Variants in LYPLA1 observed in about 807,000 individuals in gnomAD.
The protein encoded by LYPLA1 is acyl-protein thioesterase 1.
Under a neutral mutation model 34.0 loss-of-function variants are expected in LYPLA1, and 17 were observed. The observed-to-expected ratio is 0.50, with a 90% confidence interval of 0.34 to 0.75. The LOEUF (loss-of-function observed/expected upper bound fraction) is 0.75. Ranked by LOEUF, LYPLA1 falls within the 30% of genes least tolerant of loss-of-function variation. The pLI is 0.01. For synonymous variants in LYPLA1, 98 were observed against 100.8 expected (o/e 0.97, Z 0.17); for missense variants, 203 against 288.8 (o/e 0.70, Z 2.15).
At chr8:54,075,903 G>T (rs1414588449) in intron 2 of LYPLA1, among the ~76,000 whole-genome samples, 1 of 152,168 alleles carries the variant, frequency 6.6e-6, no homozygotes, top group African/African-American at 2.4e-5. Context: ...GCGGCACAAT[G>T]ATTCCTATGG....
At position 54,089,961 on chromosome 8, in the gene LYPLA1, T is replaced by C. The variant is rs982128838; in HGVS notation, c.101+10947A>G. 3.3e-5 allele frequency among the ~76,000 whole-genome samples: 5 copies of C among 152,196 alleles called. No homozygotes were observed. The East Asian group carries it at 7.7e-4, about 23-fold the overall frequency. The stretch of plus-strand genomic sequence containing the variant: ...TGTAAATACAAAATTGCATGCAGGA[T>C]TGTGTAAAGACAATGCCAGGTTGGA... On this transcript the variant is annotated intron_variant, in intron 2 of 8. Transcript: ENST00000316963.
At chr8:54,074,913 T>G (rs1295515948) in intron 2 of LYPLA1, among the ~76,000 whole-genome samples, 2 of 152,250 alleles carry the variant, frequency 1.3e-5, no homozygotes, top group African/African-American at 4.8e-5. Context: ...TGCAGTGTTT[T>G]GCGGTGATGG....
At chr8:54,087,621 G>A (rs1808902836) in intron 2 of LYPLA1, among the ~76,000 whole-genome samples, 1 of 152,258 alleles carries the variant, frequency 6.6e-6, no homozygotes, top group African/African-American at 2.4e-5. Flanking sequence ...TAATGTATCT[G>A]ATAGGAGTCT....
chr8:54,094,925 C>A (rs1809569590), intron 2 of LYPLA1, among the ~76,000 whole-genome samples: 1 of 152,078 alleles, frequency 6.6e-6, no homozygotes, highest in African/African-American at 2.4e-5. Flanking sequence ...AGAGTCTGTA[C>A]TGATTTAAAA....
At chr8:54,083,407 A>T (rs1006036138) in intron 2 of LYPLA1, among the ~76,000 whole-genome samples, 1 of 152,252 alleles carries the variant, frequency 6.6e-6, no homozygotes, top group Non-Finnish European at 1.5e-5. Flanking sequence ...ATGAATATAC[A>T]AACAGTTCCC....
At chr8:54,084,133 A>AAAAAAAAATATATAT (rs1373090573) in intron 2 of LYPLA1, among the ~76,000 whole-genome samples, 1 of 120,484 alleles carries the variant, frequency 8.3e-6, no homozygotes, top group African/African-American at 4.6e-5. Context: ...AGAAAAAAAA[A>AAAAAAAAATATATAT]ATAAATAAAT....
chr8:54,058,414 C>T (rs1030662739), intron 5 of LYPLA1, among the ~76,000 whole-genome samples: 1 of 152,082 alleles, frequency 6.6e-6, no homozygotes, highest in Non-Finnish European at 1.5e-5. Flanking sequence ...CATGGTGGCA[C>T]AGGCCTGTAG....
chr8:54,084,925 G>C (rs1403606955), intron 2 of LYPLA1, among the ~76,000 whole-genome samples: 1 of 152,058 alleles, frequency 6.6e-6, no homozygotes, highest in Non-Finnish European at 1.5e-5. Flanking sequence ...GTACCACATG[G>C]CTTCAAGGTG....
chr8:54,065,741 T>C lies in LYPLA1; in HGVS notation c.167+7A>G. ...GAATCACAAGCCTGAAGATCAGAAATACTCACGCATGCGGGCAGATATATT... is the reference window on the plus strand; with the variant it reads ...GAATCACAAGCCTGAAGATCAGAAACACTCACGCATGCGGGCAGATATATT... On this transcript the variant is annotated splice_region_variant and intron_variant, in intron 3 of 8. Coordinates refer to ENST00000316963, the MANE Select transcript of LYPLA1 (RefSeq NM_006330.4). The C allele has an allele frequency of 6.2e-7, 1 of 1,605,322 alleles. No individual in the cohort carries two copies. Among genetic ancestry groups the C allele is most frequent in the Non-Finnish European group, 8.5e-7 (1 of 1,172,194 alleles).
chr8:54,089,157 ATAAAC>A (rs1210218629), intron 2 of LYPLA1, among the ~76,000 whole-genome samples: 4 of 152,198 alleles, frequency 2.6e-5, no homozygotes, highest in African/African-American at 9.6e-5. Context: ...AACTCTGTAA[ATAAAC>A]TAACTACTGA....
chr8:54,099,125 G>C (rs552927651), intron 2 of LYPLA1, among the ~76,000 whole-genome samples: 1 of 145,800 alleles, frequency 6.9e-6, no homozygotes, highest in Non-Finnish European at 1.5e-5. Flanking sequence ...CTAGACTGAA[G>C]TTTTTTTTTT....
At chr8:54,063,259 C>G in intron 4 of LYPLA1, 69 bp downstream of exon 4, 1 of 1,030,874 alleles carries the variant, frequency 9.7e-7, no homozygotes. Context: ...CTGCTGTACA[C>G]AAAAGCATTT....
At chr8:54,080,056 G>C (rs1808198983) in intron 2 of LYPLA1, among the ~76,000 whole-genome samples, 1 of 151,906 alleles carries the variant, frequency 6.6e-6, no homozygotes, top group South Asian at 2.1e-4. Context: ...TATAGTTTTG[G>C]GACTACACAG....
rs1563642446 is a variant in LYPLA1 at position 54,084,136 on chromosome 8, A to AT, written c.101+16771_101+16772insA. Among the ~76,000 whole-genome samples the AT allele has an allele frequency of 3.6e-3, 454 of 126,358 alleles. 8 individuals are homozygous for AT. Among genetic ancestry groups the AT allele is most frequent in the African/African-American group, 0.015 (409 of 27,140 alleles). 82.9% of individuals were successfully genotyped at this position (126,358 alleles called of 152,430 possible). A position where few individuals can be genotyped will look rare whatever the true frequency, so the allele number is the denominator to read the frequency against. ...CTGGGAGACCAAAGAAAAAAAAAAT[A>AT]AATAAATATATATATATATATATAT... On this transcript the variant is annotated intron_variant, in intron 2 of 8. Coordinates refer to ENST00000316963, the MANE Select transcript of LYPLA1 (RefSeq NM_006330.4).
chr8:54,051,583 G>T (rs911761302), intron 7 of LYPLA1, among the ~76,000 whole-genome samples: 1 of 152,032 alleles, frequency 6.6e-6, no homozygotes, highest in Non-Finnish European at 1.5e-5. Context: ...AAGTAGCTGG[G>T]ATTACAGGCA....
intron 2 of LYPLA1, chr8:54,073,162 C>T: frequency 2.7e-6 from 2 of 744,230 alleles, no homozygotes; most frequent in Non-Finnish European, 5.0e-6. Context: ...CAGCATTCAG[C>T]CCCAGGAGGA....
intron 2 of LYPLA1, among the ~76,000 whole-genome samples, chr8:54,069,774 T>C (rs1807331833): frequency 6.6e-6 from 1 of 151,906 alleles, no homozygotes; most frequent in Non-Finnish European, 1.5e-5. Flanking sequence ...AGGGTTAGTT[T>C]TATGTCATGT....
intron 2 of LYPLA1, among the ~76,000 whole-genome samples, chr8:54,075,253 T>C (rs1454235905): frequency 6.6e-6 from 1 of 152,208 alleles, no homozygotes; most frequent in Non-Finnish European, 1.5e-5. Context: ...AACAACTGAT[T>C]TGGTGGAGAG....
chr8:54,054,292 A>G (rs1161191482), intron 6 of LYPLA1, among the ~76,000 whole-genome samples: 2 of 152,138 alleles, frequency 1.3e-5, no homozygotes, highest in Non-Finnish European at 2.9e-5. Context: ...CTGGATCATT[A>G]ATTTCTGTCC....
Sources: gnomAD v4.1 joint callset for allele counts (sites outside exome capture counted in the v4.1 genomes callset) on GRCh38, gnomAD v4.1.1 for gene constraint, MANE v1.5 for transcripts, NCBI Gene and HGNC (gene_info 2026-07-23, HGNC 2026-07-21) for gene names.